PRKN: variants seen among roughly 807,000 people sequenced by gnomAD.
The protein encoded by PRKN is parkin RBR E3 ubiquitin protein ligase.
PRKN carries 56 observed loss-of-function variants against 59.5 expected under a neutral mutation model. The ratio of observed to expected loss-of-function variants is 0.94; its 90% CI spans 0.76 to 1.18. The LOEUF is 1.18. PRKN is among the 50% of genes most tolerant of loss of function. The pLI, the probability that PRKN is intolerant of heterozygous loss-of-function variation, is 0.00. For missense variants in PRKN, 657 were observed against 596.4 expected, an observed-to-expected ratio of 1.10 and a Z score of -1.06; for synonymous variants, 250 against 222.1, an observed-to-expected ratio of 1.13 and a Z score of -1.12.
At chr6:162,001,054 G>A (rs1782035878) in intron 5 of PRKN, among the ~76,000 whole-genome samples, 1 of 151,894 alleles carries the variant, frequency 6.6e-6, no homozygotes, top group Admixed American at 6.6e-5. Context: ...GTTTTGTATA[G>A]TTAAGCCTTA....
At chr6:162,255,544 G>T (rs1779607372) in intron 3 of PRKN, among the ~76,000 whole-genome samples, 2 of 152,156 alleles carry the variant, frequency 1.3e-5, no homozygotes, top group African/African-American at 4.8e-5. Flanking sequence ...GGGGGCCAAT[G>T]ATTCTGCATT....
rs540199835 is a variant in PRKN, at chr6:162,588,676, C to T, written c.7+138986G>A. 6.6e-4 allele frequency among the ~76,000 whole-genome samples: 100 copies of T among 152,190 alleles called. 2 individuals carry two copies. The highest frequency in any genetic ancestry group is 2.3e-3 in the African/African-American group (95 of 41,532). On this transcript the variant is annotated intron_variant, in intron 1 of 11. Transcript: ENST00000366898. ...ACACCATTCTCTTGCCTCAGCCTCC[C>T]GAGTAGCTGGGACTACAGGCGCCCG...
intron 4 of PRKN, among the ~76,000 whole-genome samples, chr6:162,151,873 C>CTCT (rs1782286454): frequency 6.6e-6 from 1 of 151,116 alleles, no homozygotes; most frequent in African/African-American, 2.4e-5. Context: ...ATAAACTGCC[C>CTCT]AGAGTTACAG....
Position 162,046,210 on chromosome 6 carries a change from T to G in PRKN, c.618+7881A>C, listed in dbSNP as rs146792045. On this transcript the variant is annotated intron_variant, in intron 5 of 11. Transcript: ENST00000366898. The stretch of plus-strand genomic sequence containing the variant: ...ATCAACACAGCCTCGGACTGACACG[T>G]TTGGCTTTTGAATCATTCTATGGAA... 1.2e-3 allele frequency among the ~76,000 whole-genome samples: 184 copies of G among 152,300 alleles called. No individual in the cohort carries two copies. The highest frequency in any genetic ancestry group is 2.3e-3 in the South Asian group (11 of 4,824).
At chr6:162,223,033 A>G (rs1778003198) in intron 3 of PRKN, among the ~76,000 whole-genome samples, 1 of 100,938 alleles carries the variant, frequency 9.9e-6, no homozygotes, top group African/African-American at 3.9e-5. Flanking sequence ...AATAGTCCCC[A>G]GAGTGTGATG....
At chr6:162,266,298 TTGTGTGTGTG>T (rs60841593) in intron 2 of PRKN, among the ~76,000 whole-genome samples, 8,660 of 146,172 alleles carry the variant, frequency 0.059, 335 homozygotes, top group Middle Eastern at 0.14. Context: ...TACATATATA[TTGTGTGTGTG>T]TGTGTGTGTG....
intron 7 of PRKN, among the ~76,000 whole-genome samples, chr6:161,643,312 G>A (rs1200646425): frequency 6.6e-6 from 1 of 152,090 alleles, no homozygotes; most frequent in Admixed American, 6.5e-5. Flanking sequence ...TAAACCGGAG[G>A]GAGGAGAAAT....
At chr6:161,768,311 AG>A (rs1400174649) in intron 7 of PRKN, among the ~76,000 whole-genome samples, 1 of 152,208 alleles carries the variant, frequency 6.6e-6, no homozygotes, top group Admixed American at 6.5e-5. Flanking sequence ...ATTTTGTGAA[AG>A]GGTTTTCAAT....
chr6:161,901,702 T>C (rs1396453129), intron 6 of PRKN, among the ~76,000 whole-genome samples: 1 of 152,154 alleles, frequency 6.6e-6, no homozygotes, highest in Non-Finnish European at 1.5e-5. Flanking sequence ...TTAAAACAAA[T>C]ATTAACAAGA....
chr6:162,386,689 C>T (rs1786832863), intron 2 of PRKN, among the ~76,000 whole-genome samples: 1 of 152,192 alleles, frequency 6.6e-6, no homozygotes, highest in Admixed American at 6.5e-5. Flanking sequence ...TACGTGTGCA[C>T]ATATGTGCGT....
chr6:162,277,843 A>G (rs1256887196), intron 2 of PRKN, among the ~76,000 whole-genome samples: 2 of 152,320 alleles, frequency 1.3e-5, no homozygotes, highest in Middle Eastern at 3.4e-3. Flanking sequence ...AAAACGGTAT[A>G]GTCACTTTGG....
intron 1 of PRKN, among the ~76,000 whole-genome samples, chr6:162,620,963 T>C (rs1583923559): frequency 6.6e-6 from 1 of 152,242 alleles, no homozygotes; most frequent in East Asian, 1.9e-4. Context: ...ACTGCTTTGA[T>C]AGCTTCTCGG....
chr6:162,132,285 C>A (rs1400589386), intron 4 of PRKN, among the ~76,000 whole-genome samples: 6 of 152,092 alleles, frequency 3.9e-5, no homozygotes, highest in Non-Finnish European at 5.9e-5. Context: ...ATTTAAGAAA[C>A]CCTCATTGTT....
At chr6:162,292,567 G>C (rs1017837045) in intron 2 of PRKN, among the ~76,000 whole-genome samples, 6 of 152,094 alleles carry the variant, frequency 3.9e-5, no homozygotes, top group African/African-American at 1.4e-4. Context: ...GTCCAGGATT[G>C]AATCTACTCC....
intron 6 of PRKN, among the ~76,000 whole-genome samples, chr6:161,875,944 A>G (rs190192670): frequency 2.6e-5 from 4 of 152,156 alleles, no homozygotes; most frequent in Non-Finnish European, 4.4e-5. Flanking sequence ...TTCACTCAAC[A>G]CTGTAGGACC....
intron 1 of PRKN, among the ~76,000 whole-genome samples, chr6:162,522,926 C>G (rs529754471): frequency 4.6e-5 from 7 of 152,302 alleles, no homozygotes; most frequent in Middle Eastern, 6.8e-3. Flanking sequence ...CCTGACCATT[C>G]CAGCAAATAA....
At chr6:161,850,836 T>C (rs1345526714) in intron 6 of PRKN, among the ~76,000 whole-genome samples, 1 of 152,150 alleles carries the variant, frequency 6.6e-6, no homozygotes, top group East Asian at 1.9e-4. Context: ...GTAACAGTCA[T>C]ACTAATGTGG....
intron 4 of PRKN, among the ~76,000 whole-genome samples, chr6:162,140,296 A>T (rs1781722840): frequency 6.6e-6 from 1 of 152,208 alleles, no homozygotes; most frequent in Admixed American, 6.5e-5. Flanking sequence ...TAGAAAAAAA[A>T]GAAATTGAGA....
chr6:162,236,250 G>A (rs138560520), intron 3 of PRKN, among the ~76,000 whole-genome samples: 2 of 152,234 alleles, frequency 1.3e-5, no homozygotes, highest in Middle Eastern at 3.4e-3. Context: ...CCTATCCTTT[G>A]CCTCAACAAT....
Sources: allele counts gnomAD v4.1 joint callset (sites outside exome capture counted in the v4.1 genomes callset), GRCh38; gene constraint gnomAD v4.1.1; transcripts MANE v1.5; gene names NCBI Gene and HGNC (gene_info 2026-07-23, HGNC 2026-07-21).